The following NFIA variants were observed in gnomAD, a reference collection of about 807,000 sequenced individuals.
NFIA encodes the protein nuclear factor I A.
In NFIA, 8 loss-of-function variants were observed where a neutral mutation model predicts 62.8. The ratio of observed to expected loss-of-function variants is 0.13; its 90% confidence interval spans 0.07 to 0.23. The LOEUF (loss-of-function observed/expected upper bound fraction) is 0.23, where lower values mean the gene tolerates loss of function less well. Ranked by LOEUF, NFIA falls within the 10% of genes least tolerant of loss-of-function variation. The probability of loss-of-function intolerance (pLI) is 1.00; values close to 1 mark genes in which losing one functional copy is unlikely to be tolerated. For missense variants in NFIA, 410 were observed against 642.1 expected (o/e 0.64, Z 3.91); for synonymous variants, 235 against 238.1 (o/e 0.99, Z 0.12).
intron 10 of NFIA, among the ~76,000 whole-genome samples, chr1:61,429,832 T>C (rs942761835): frequency 8.5e-5 from 13 of 152,194 alleles, no homozygotes; most frequent in African/African-American, 3.1e-4. Context: ...AAATAAATAC[T>C]GTATGATTCT....
chr1:61,103,801 T>G (rs1646551592), intron 2 of NFIA, among the ~76,000 whole-genome samples: 1 of 152,186 alleles, frequency 6.6e-6, no homozygotes, highest in Admixed American at 6.5e-5. Flanking sequence ...ACCATGTCAA[T>G]GGATTTCTAT....
chr1:61,171,029 GT>G (rs1649931846), intron 2 of NFIA, among the ~76,000 whole-genome samples: 1 of 152,136 alleles, frequency 6.6e-6, no homozygotes, highest in African/African-American at 2.4e-5. Context: ...GTGTGTGTGT[GT>G]TTATGTAGGC....
chr1:61,175,024 A>T (rs112855936), intron 2 of NFIA, among the ~76,000 whole-genome samples: 5 of 150,568 alleles, frequency 3.3e-5, no homozygotes, highest in Admixed American at 6.6e-5. Flanking sequence ...TATAGGATTT[A>T]AAAAAAAACA....
At chr1:61,155,657 G>A (rs1648759755) in intron 2 of NFIA, among the ~76,000 whole-genome samples, 1 of 117,884 alleles carries the variant, frequency 8.5e-6, no homozygotes, top group African/African-American at 3.2e-5. Context: ...TCCGGCCTGG[G>A]CGACAGAGCG....
At chr1:61,257,945 C>T (rs1444636130) in intron 2 of NFIA, among the ~76,000 whole-genome samples, 2 of 135,380 alleles carry the variant, frequency 1.5e-5, no homozygotes, top group Non-Finnish European at 3.1e-5. Flanking sequence ...TTAAATGATG[C>T]TCTCATCTTG....
chr1:61,447,626 C>A (rs1245244707), intron 10 of NFIA, among the ~76,000 whole-genome samples: 1 of 152,170 alleles, frequency 6.6e-6, no homozygotes, highest in African/African-American at 2.4e-5. Flanking sequence ...GGGTCATTGT[C>A]CCCTTAATCT....
chr1:61,425,262 G>A (rs1666814306), intron 9 of NFIA, among the ~76,000 whole-genome samples: 1 of 152,006 alleles, frequency 6.6e-6, no homozygotes, highest in African/African-American at 2.4e-5. Context: ...AGAGAAACAA[G>A]AAGTATGAGC....
At chr1:61,392,775 C>CT (rs1299763803) in intron 7 of NFIA, among the ~76,000 whole-genome samples, 1 of 152,230 alleles carries the variant, frequency 6.6e-6, no homozygotes, top group Admixed American at 6.5e-5. Flanking sequence ...TCCTTAATCT[C>CT]TTAAAGAGGC....
chr1:61,082,475 C>T (rs758788965), upstream of NFIA: 95 of 1,081,196 alleles, frequency 8.8e-5, no homozygotes, highest in Non-Finnish European at 1.1e-4. Flanking sequence ...CCGGCCGGGC[C>T]GGCGCGGGAG....
chr1:61,156,702 CT>C (rs1648841753), intron 2 of NFIA, among the ~76,000 whole-genome samples: 1 of 152,178 alleles, frequency 6.6e-6, no homozygotes, highest in Non-Finnish European at 1.5e-5. Flanking sequence ...AAATCCCTCA[CT>C]AGTGAAATAG....
At position 61,307,923 on chromosome 1, in the gene NFIA, T is replaced by C. The variant is rs373876037; in HGVS notation, c.626-24589T>C. Reference sequence around the variant, plus strand: ...ATGTCAGTTGTTGTTGTTGTTATTATTATTGTGTCAGCAGTAAACTGCTCC... The same window carrying C: ...ATGTCAGTTGTTGTTGTTGTTATTACTATTGTGTCAGCAGTAAACTGCTCC... On this transcript the variant is annotated intron_variant, in intron 3 of 10. Transcript: ENST00000403491. 1.4e-4 allele frequency among the ~76,000 whole-genome samples: 21 copies of C among 152,342 alleles called. 1 individual carries two copies. In the South Asian group the frequency reaches 4.1e-3, roughly 30 times the overall value.
chr1:61,158,050 G>A (rs1197688737), intron 2 of NFIA, among the ~76,000 whole-genome samples: 2 of 152,196 alleles, frequency 1.3e-5, no homozygotes, highest in Non-Finnish European at 2.9e-5. Context: ...GAAATACAAA[G>A]AGAATTAAAG....
intron 10 of NFIA, among the ~76,000 whole-genome samples, chr1:61,447,204 C>T (rs1667849852): frequency 6.6e-6 from 1 of 152,144 alleles, no homozygotes; most frequent in African/African-American, 2.4e-5. Context: ...GGCTAGGCTG[C>T]TTCTTCATTT....
chr1:61,215,399 C>T (rs1458482053), intron 2 of NFIA, among the ~76,000 whole-genome samples: 1 of 151,714 alleles, frequency 6.6e-6, no homozygotes, highest in Non-Finnish European at 1.5e-5. Context: ...TTAAAATCAC[C>T]CACTGTTGAA....
At chr1:61,165,364 C>G (rs944034269) in intron 2 of NFIA, among the ~76,000 whole-genome samples, 13 of 152,222 alleles carry the variant, frequency 8.5e-5, no homozygotes, top group African/African-American at 3.1e-4. Context: ...GAAATTCTTG[C>G]AAAATGCTTT....
At chr1:61,081,200 G>A (rs987322492), upstream of NFIA, among the ~76,000 whole-genome samples, 1 of 151,938 alleles carries the variant, frequency 6.6e-6, no homozygotes, top group African/African-American at 2.4e-5. Flanking sequence ...GCTTAGAAGA[G>A]GCAGGTAGGC....
At chr1:61,272,553 TTATAGA>T (rs1282963459) in intron 2 of NFIA, among the ~76,000 whole-genome samples, 5 of 152,206 alleles carry the variant, frequency 3.3e-5, no homozygotes, top group African/African-American at 1.2e-4. Context: ...TATTACAACC[TTATAGA>T]TGTAGAAAAA....
chr1:61,116,944 T>G lies in NFIA; in HGVS notation c.559+28264T>G, dbSNP rs145385438. 1.2e-4 allele frequency among the ~76,000 whole-genome samples: 19 copies of G among 152,356 alleles called. No individual in the cohort carries two copies. In the East Asian group the frequency reaches 3.7e-3, roughly 29 times the overall value. On this transcript the variant is annotated intron_variant, in intron 2 of 10. Coordinates refer to ENST00000403491, the MANE Select transcript of NFIA (RefSeq NM_001134673.4). Reference sequence around the variant, plus strand: ...TGTGTGAGTGTATTTTGTTAGAACATTCCATTTTAAAGCATGCCTTTTTTA... The same window carrying G: ...TGTGTGAGTGTATTTTGTTAGAACAGTCCATTTTAAAGCATGCCTTTTTTA...
chr1:61,379,579 T>C (rs534498311), intron 6 of NFIA, among the ~76,000 whole-genome samples: 2 of 151,956 alleles, frequency 1.3e-5, no homozygotes, highest in South Asian at 4.2e-4. Flanking sequence ...AGCTAAGTTT[T>C]GTATTTTTAG....
Sources: gnomAD v4.1 joint callset for allele counts (sites outside exome capture counted in the v4.1 genomes callset) on GRCh38, gnomAD v4.1.1 for gene constraint, MANE v1.5 for transcripts, NCBI Gene and HGNC (gene_info 2026-07-23, HGNC 2026-07-21) for gene names.